Variants in RLN2 observed in about 807,000 individuals in gnomAD.
The protein encoded by RLN2 is relaxin 2.
A neutral mutation model predicts 7.3 loss-of-function variants in RLN2; 10 were observed. The ratio of observed to expected loss-of-function variants is 1.36; its 90% CI spans 0.84 to 2.31. The LOEUF (loss-of-function observed/expected upper bound fraction) is 2.31, where lower values mean the gene tolerates loss of function less well. Among genes scored for constraint, RLN2 ranks in the 30% most tolerant of loss-of-function variants. The pLI is 0.00. For synonymous variants in RLN2, 103 were observed against 82.3 expected (o/e 1.25, Z -1.36); for missense variants, 298 against 217.6 (o/e 1.37, Z -2.32).
upstream of RLN2, among the ~76,000 whole-genome samples, chr9:5,307,683 T>C (rs1816279376): frequency 6.6e-6 from 1 of 152,036 alleles, no homozygotes; most frequent in Admixed American, 6.5e-5. Context: ...TCCTGGGCAT[T>C]GCCCTCGTCC....
chr9:5,304,757 C>A (rs948501109), upstream of RLN2: 14 of 636,568 alleles, frequency 2.2e-5, no homozygotes, highest in African/African-American at 2.6e-4. Flanking sequence ...GCAAGGGTGC[C>A]AGCTCCACCC....
At chr9:5,337,851 G>A in the RLN2 span, among the ~76,000 whole-genome samples, 22 of 151,908 alleles carry the variant, frequency 1.4e-4, no homozygotes, top group Non-Finnish European at 2.9e-4. Context: ...ATACAAATGT[G>A]ATTAATGATT....
chr9:5,316,823 T>C, the RLN2 span, among the ~76,000 whole-genome samples: 4 of 152,058 alleles, frequency 2.6e-5, no homozygotes, highest in Non-Finnish European at 5.9e-5. Flanking sequence ...ATAGGATTGC[T>C]GGGTCAAATG....
upstream of RLN2, among the ~76,000 whole-genome samples, chr9:5,305,498 A>ATGTT (rs1212047140): frequency 1.3e-5 from 2 of 151,804 alleles, no homozygotes; most frequent in Non-Finnish European, 2.9e-5. Flanking sequence ...GCACAAAGAT[A>ATGTT]TGTTTGTTTG....
the RLN2 span, among the ~76,000 whole-genome samples, chr9:5,336,470 G>T: frequency 6.6e-6 from 1 of 152,012 alleles, no homozygotes; most frequent in African/African-American, 2.4e-5. Flanking sequence ...TGGACACCCA[G>T]CTGACATCTT....
intron 1 of RLN2, among the ~76,000 whole-genome samples, chr9:5,302,673 C>A (rs62557661): frequency 0.15 from 22,478 of 152,102 alleles, 2,044 homozygotes; most frequent in East Asian, 0.31. Flanking sequence ...TATCTATATA[C>A]AAATGTGCTT....
At chr9:5,317,486 G>A in the RLN2 span, among the ~76,000 whole-genome samples, 12 of 148,898 alleles carry the variant, frequency 8.1e-5, no homozygotes, top group East Asian at 5.9e-4. Context: ...CACTGAGAAC[G>A]AAGAGCTCTG....
chr9:5,330,650 A>AG, the RLN2 span, among the ~76,000 whole-genome samples: 7 of 149,946 alleles, frequency 4.7e-5, no homozygotes, highest in Admixed American at 4.0e-4. Context: ...AAAAAAAAAA[A>AG]AAAAAGAAAA....
the RLN2 span, among the ~76,000 whole-genome samples, chr9:5,322,960 C>T: frequency 0.025 from 3,809 of 150,304 alleles, 200 homozygotes; most frequent in African/African-American, 0.092. Context: ...TTCGCCTCCC[C>T]ATCTGCTTAA....
chr9:5,337,532 G>C, the RLN2 span, among the ~76,000 whole-genome samples: 1 of 151,962 alleles, frequency 6.6e-6, no homozygotes, highest in Non-Finnish European at 1.5e-5. Context: ...AAGGGATGCA[G>C]TGAATATTAC....
At chr9:5,334,172 C>A in the RLN2 span, among the ~76,000 whole-genome samples, 1 of 151,946 alleles carries the variant, frequency 6.6e-6, no homozygotes, top group Non-Finnish European at 1.5e-5. Flanking sequence ...CTAGCCAGGT[C>A]AGTCAGGCAA....
chr9:5,335,603 A>C, the RLN2 span: 16 of 1,577,802 alleles, frequency 1.0e-5, no homozygotes, highest in Middle Eastern at 3.4e-4. Context: ...AATTTCTGTT[A>C]AGTTTAAAAA....
upstream of RLN2, among the ~76,000 whole-genome samples, chr9:5,309,096 AG>A (rs141285865): frequency 4.6e-5 from 7 of 152,172 alleles, no homozygotes; most frequent in East Asian, 1.4e-3. Context: ...CGTAATCCTA[AG>A]GCAGGAATCC....
chr9:5,307,945 C>A (rs1816283978), upstream of RLN2, among the ~76,000 whole-genome samples: 2 of 151,954 alleles, frequency 1.3e-5, no homozygotes, highest in African/African-American at 4.8e-5. Flanking sequence ...GTATTTTCTA[C>A]AAAATTCTTA....
chr9:5,325,025 A>C, the RLN2 span, among the ~76,000 whole-genome samples: 3 of 152,048 alleles, frequency 2.0e-5, no homozygotes, highest in Admixed American at 6.6e-5. Flanking sequence ...TACCCTCAAA[A>C]ACCCCAGAAA....
chr9:5,321,871 T>C, the RLN2 span, among the ~76,000 whole-genome samples: 4,923 of 152,048 alleles, frequency 0.032, 279 homozygotes, highest in African/African-American at 0.11. Context: ...CTGTGCTCAG[T>C]ACACTGGAGT....
chr9:5,320,158 G>T, the RLN2 span, among the ~76,000 whole-genome samples: 2 of 151,544 alleles, frequency 1.3e-5, no homozygotes, highest in Admixed American at 1.3e-4. Context: ...GCTAATTTTT[G>T]TAGTTTTAGT....
At chr9:5,306,096 G>GTT (rs1332185953), upstream of RLN2, among the ~76,000 whole-genome samples, 8 of 125,826 alleles carry the variant, frequency 6.4e-5, 1 homozygote, top group African/African-American at 2.4e-4. Flanking sequence ...GGATTTCTTT[G>GTT]TTTTTGTTTT....
the RLN2 span, among the ~76,000 whole-genome samples, chr9:5,334,345 G>C: frequency 6.6e-6 from 1 of 151,980 alleles, no homozygotes; most frequent in African/African-American, 2.4e-5. Context: ...CAAATTTACA[G>C]ACATTTGATG....
Sources: allele counts gnomAD v4.1 joint callset (sites outside exome capture counted in the v4.1 genomes callset), GRCh38; gene constraint gnomAD v4.1.1; transcripts MANE v1.5; gene names NCBI Gene and HGNC (gene_info 2026-07-23, HGNC 2026-07-21).